Variants in EVPL observed in about 807,000 individuals in gnomAD.
EVPL encodes envoplakin, also known as 210 kDa cornified envelope precursor protein.
In EVPL, 94 loss-of-function variants were observed where a neutral mutation model predicts 129.7. That is an observed-to-expected ratio of 0.72 (90% confidence interval 0.61 to 0.86). EVPL has a LOEUF of 0.86. Among genes scored for constraint, EVPL ranks in the 40% least tolerant of loss-of-function variants. The probability of loss-of-function intolerance (pLI) is 0.00; values close to 1 mark genes in which losing one functional copy is unlikely to be tolerated. For synonymous variants in EVPL, 1,172 were observed against 1,191.1 expected, an observed-to-expected ratio of 0.98 and a Z score of 0.33; for missense variants, 2,625 against 2,721.1, an observed-to-expected ratio of 0.96 and a Z score of 0.79.
rs2066348661 is a variant in EVPL, at chr17:76,008,939, C to G, written c.4266G>C (p.Leu1422=). Residue 1422 remains leucine, a synonymous_variant, in exon 22 of 22, where the codon CTG becomes CTC. Coordinates refer to ENST00000301607, the MANE Select transcript of EVPL (RefSeq NM_001988.4). The surrounding 1 kb of genome is among the most constrained non-coding windows in gnomAD (Gnocchi z 7.4). ...LRAGVEEQEG[L]LSFQEDRSKK... ...TGCTGCGGTCCTCCTGGAAGCTGAG[C>G]AGGCCCTCCTGCTCCTCCACGCCGG... The G allele has an allele frequency of 6.2e-7, 1 of 1,612,382 alleles. No homozygotes were observed. The highest frequency in any genetic ancestry group is 1.3e-5 in the African/African-American group (1 of 74,938).
rs761662649 is a variant in EVPL, at chr17:76,014,953, C to T, written c.2185G>A (p.Asp729Asn). 1.3e-6 allele frequency: 2 copies of T among 1,593,486 alleles called. No homozygotes were observed. The highest frequency in any genetic ancestry group is 4.5e-5 in the East Asian group (2 of 44,500). ...TGGTCCCCTACGGCGTGGTAGCGGT[C>T]GGTGAGGGCTCGCACCTGGCGCTGC... is the stretch of plus-strand genomic sequence containing the variant. ...RQQRQVRALT[D>N]RYHAVGDQLD... is the part of the protein sequence containing the mutation. The change falls in exon 17 of 22, where the codon GAC becomes AAC. Residue 729 changes from aspartate to asparagine, a missense_variant. By Grantham distance (23) the Asp-to-Asn change is conservative. Around this residue, in one of 4 missense-constraint regions of EVPL, gnomAD observed 1,024 missense variants for 997.5 expected, o/e 1.03. Transcript: ENST00000301607.
At position 76,011,826 on chromosome 17, in the gene EVPL, C is replaced by T; in HGVS notation, c.2514G>A (p.Val838=). ...YRCSLEPTLA[V]SAPKRPRVAP... Reference sequence around the variant, plus strand: ...CCACTCGGGGTCTCTTGGGGGCTGACACTGCCAGGGTGGGCTCCAAAGAGC... The same window carrying T: ...CCACTCGGGGTCTCTTGGGGGCTGATACTGCCAGGGTGGGCTCCAAAGAGC... Residue 838 remains valine (V), a synonymous_variant, in exon 20 of 22, where the codon GTG becomes GTA. Transcript: ENST00000301607. 6.2e-7 allele frequency: 1 copy of T among 1,612,988 alleles called. No individual in the cohort carries two copies. The highest frequency in any genetic ancestry group is 8.5e-7 in the Non-Finnish European group (1 of 1,179,654).
chr17:76,023,517 A>G lies in EVPL; in HGVS notation c.336T>C (p.Ala112=), dbSNP rs774333492. The G allele has an allele frequency of 3.7e-6, 6 of 1,612,810 alleles. No homozygotes were observed. The African/African-American group carries it at 4.0e-5, about 11-fold the overall frequency. ...CCACTCACTCCTTCTCAATCTCCTCAGCCTGCGGGTGCTTGAGCCGCCGGG... is the reference window on the plus strand; with the variant it reads ...CCACTCACTCCTTCTCAATCTCCTCGGCCTGCGGGTGCTTGAGCCGCCGGG... ...DKARRLKHPQ[A]EEIEKDIKQL... Residue 112 remains alanine, a synonymous_variant, in exon 3 of 22, where the codon GCT becomes GCC. Transcript: ENST00000301607.
intron 2 of EVPL, 131 bp from the exon 3 acceptor site, chr17:76,023,785 C>A: frequency 7.1e-7 from 1 of 1,414,354 alleles, no homozygotes; most frequent in East Asian, 2.5e-5. Context: ...ACGCCAGGCA[C>A]AGGGTCAGGA....
intron 18 of EVPL, among the ~76,000 whole-genome samples, 153 bp downstream of exon 18, chr17:76,014,273 C>T (rs540921846): frequency 1.3e-5 from 2 of 152,298 alleles, no homozygotes; most frequent in Admixed American, 6.5e-5. Flanking sequence ...GGGCTGGCCC[C>T]GTCTGTGGGC....
At chr17:76,019,083 G>C in intron 10 of EVPL, 23 bp from the exon 11 acceptor site, 1 of 1,564,210 alleles carries the variant, frequency 6.4e-7, no homozygotes, top group Non-Finnish European at 8.6e-7. Context: ...CAGGCAGTGG[G>C]GGACTCAGGC....
Position 76,009,441 on chromosome 17 carries a change from T to G in EVPL, c.3764A>C (p.Gln1255Pro). 6.2e-7 allele frequency: 1 copy of G among 1,614,126 alleles called. No homozygotes were observed. The highest frequency in any genetic ancestry group is 8.5e-7 in the Non-Finnish European group (1 of 1,179,992). Residue 1255 changes from glutamine (Q) to proline (P), a missense_variant, in exon 22 of 22, where the codon CAG becomes CCG. Gln to Pro is a moderately conservative substitution (Grantham distance 76). This residue lies in a region of EVPL where 1,453 missense variants were observed against 1,511.8 expected (regional missense o/e 0.96). Coordinates refer to ENST00000301607, the MANE Select transcript of EVPL (RefSeq NM_001988.4). This position sits in a 1 kb window ranked among gnomAD's most constrained non-coding sequence, Gnocchi z 5.9. ...GCTCCTCTCATGCCTCACCACCTCC[T>G]GGGTCACCTCCTTGTACTCCACCGT... ...KPTVEYKEVT[Q>P]EVVRHERSPE...
chr17:76,024,075 G>T lies in EVPL; in HGVS notation c.144C>A (p.Ala48=). The change falls in exon 2 of 22, where the codon GCC becomes GCA. Residue 48 remains alanine (A), a synonymous_variant. Coordinates refer to ENST00000301607, the MANE Select transcript of EVPL (RefSeq NM_001988.4). The surrounding 1 kb of genome is among the most constrained non-coding windows in gnomAD (Gnocchi z 4.5). ...ELALLISRMQ[A]NADQVERDIL... is the part of the protein sequence containing the mutation. ...TGTCCCGCTCCACCTGGTCGGCGTT[G>T]GCTTGCATGCGGGAGATGAGAAGGG... 6.2e-7 allele frequency: 1 copy of T among 1,613,898 alleles called. No homozygotes were observed. Among genetic ancestry groups the T allele is most frequent in the Non-Finnish European group, 8.5e-7 (1 of 1,179,972 alleles).
At chr17:76,023,937 C>T in intron 2 of EVPL, 84 bp downstream of exon 2, 1 of 1,495,864 alleles carries the variant, frequency 6.7e-7, no homozygotes, top group South Asian at 1.2e-5. Context: ...CACCAAGGGG[C>T]ACTCAGGGAG....
chr17:76,014,954 G>A lies in EVPL; in HGVS notation c.2184C>T (p.Thr728=), dbSNP rs765185512. ...GGTCCCCTACGGCGTGGTAGCGGTC[G>A]GTGAGGGCTCGCACCTGGCGCTGCT... ...PRQQRQVRAL[T]DRYHAVGDQL... is the part of the protein sequence containing the mutation. Residue 728 remains threonine, a synonymous_variant, in exon 17 of 22, where the codon ACC becomes ACT. Transcript: ENST00000301607. 29 of 1,593,752 alleles carry A rather than the reference G, an allele frequency of 1.8e-5. No individual in the cohort carries two copies. Among genetic ancestry groups the A allele is most frequent in the Non-Finnish European group, 2.4e-5 (28 of 1,172,160 alleles).
At chr17:76,019,829 C>T (rs529890439) in intron 9 of EVPL, among the ~76,000 whole-genome samples, 176 bp from the exon 10 acceptor site, 102 of 150,812 alleles carry the variant, frequency 6.8e-4, no homozygotes, top group African/African-American at 2.3e-3. Flanking sequence ...AACCAGTAAC[C>T]GCTAAGCCAG....
chr17:76,008,978 C>T lies in EVPL; in HGVS notation c.4227G>A (p.Val1409=), dbSNP rs1318236651. 1 of 1,611,740 alleles carries T rather than the reference C, an allele frequency of 6.2e-7. No homozygotes were observed. The change falls in exon 22 of 22, where the codon GTG becomes GTA. Residue 1409 remains valine, a synonymous_variant. Coordinates refer to ENST00000301607, the MANE Select transcript of EVPL (RefSeq NM_001988.4). The surrounding 1 kb of genome is among the most constrained non-coding windows in gnomAD (Gnocchi z 7.4). ...CCTCCACGCCGGCCCGCAGCTGCTG[C>T]ACCTCAAGCTCTAGCTGGCGCCGCC... is the stretch of plus-strand genomic sequence containing the variant. ...VGRRRQLELE[V]QQLRAGVEEQ...
chr17:76,015,665 G>A, intron 14 of EVPL, 37 bp from the exon 15 acceptor site: 7 of 1,586,772 alleles, frequency 4.4e-6, no homozygotes, highest in Non-Finnish European at 5.2e-6. Flanking sequence ...CTGGGCAGGT[G>A]GGTTCCGCCC....
rs138147066 is a variant in EVPL, at chr17:76,009,818, C to G, written c.3387G>C (p.Ser1129=). ...RIEDLERAIS[S]VEPKVIVKEV... Reference sequence around the variant, plus strand: ...CCTTCACGATGACCTTGGGCTCCACCGAGCTGATAGCCCGCTCCAGGTCTT... The same window carrying G: ...CCTTCACGATGACCTTGGGCTCCACGGAGCTGATAGCCCGCTCCAGGTCTT... The change falls in exon 22 of 22, where the codon TCG becomes TCC. Residue 1129 remains serine, a synonymous_variant. Transcript: ENST00000301607. The surrounding 1 kb of genome is among the most constrained non-coding windows in gnomAD (Gnocchi z 5.9). 1 of 1,613,974 alleles carries G rather than the reference C, an allele frequency of 6.2e-7. No individual in the cohort carries two copies. The highest frequency in any genetic ancestry group is 8.5e-7 in the Non-Finnish European group (1 of 1,180,012).
chr17:76,010,637 A>C, intron 21 of EVPL, 94 bp from the exon 22 acceptor site: 1 of 1,364,660 alleles, frequency 7.3e-7, no homozygotes, highest in Non-Finnish European at 9.7e-7. Flanking sequence ...CTGTTTCCTG[A>C]GACTCCCCAG....
chr17:76,014,967 A>G lies in EVPL; in HGVS notation c.2171T>C (p.Val724Ala). Residue 724 changes from valine (V) to alanine (A), a missense_variant, in exon 17 of 22, where the codon GTG (valine) becomes GCG (alanine). Physicochemically the swap from Val to Ala is moderately conservative, Grantham distance 64. Transcript: ENST00000301607. Reference sequence around the variant, plus strand: ...GTGGTAGCGGTCGGTGAGGGCTCGCACCTGGCGCTGCTGGCGAGGCAGGTC... The same window carrying G: ...GTGGTAGCGGTCGGTGAGGGCTCGCGCCTGGCGCTGCTGGCGAGGCAGGTC... Reference protein sequence around the residue: ...CQDLPRQQRQVRALTDRYHAV... With the variant: ...CQDLPRQQRQARALTDRYHAV... 1 of 1,597,226 alleles carries G rather than the reference A, an allele frequency of 6.3e-7. No homozygotes were observed. The highest frequency in any genetic ancestry group is 8.5e-7 in the Non-Finnish European group (1 of 1,175,502).
At chr17:76,019,133 C>G in intron 10 of EVPL, 73 bp from the exon 11 acceptor site, 1 of 1,429,918 alleles carries the variant, frequency 7.0e-7, no homozygotes, top group South Asian at 1.4e-5. Flanking sequence ...ACCTGTCCTT[C>G]AAAAGGCCTA....
rs768232957 is a variant in EVPL at position 76,015,008 on chromosome 17, G to A, written c.2130C>T (p.Phe710=). ...GAGGCAGGTCTTGGCAGAACTCCTG[G>A]AAGTTGTTCTGCAGGGCAGCGCATG... ...EHACAALQNN[F]QEFCQDLPRQ... is the part of the protein sequence containing the mutation. Residue 710 remains phenylalanine (F), a synonymous_variant, in exon 17 of 22, where the codon TTC becomes TTT. Coordinates refer to ENST00000301607, the MANE Select transcript of EVPL (RefSeq NM_001988.4). 4 of 1,596,596 alleles carry A rather than the reference G, an allele frequency of 2.5e-6. No individual in the cohort carries two copies. In the South Asian group the frequency reaches 4.4e-5, roughly 18 times the overall value.
intron 21 of EVPL, 34 bp downstream of exon 21, chr17:76,011,542 T>C: frequency 6.4e-7 from 1 of 1,573,836 alleles, no homozygotes; most frequent in Non-Finnish European, 8.7e-7. Context: ...TATTCCTGGC[T>C]ATTGTGGGAA....
Sources: allele counts gnomAD v4.1 joint callset (sites outside exome capture counted in the v4.1 genomes callset), GRCh38; gene constraint gnomAD v4.1.1; regional missense constraint gnomAD v4.1.1; non-coding constraint Gnocchi (gnomAD v3.1); transcripts MANE v1.5; gene names NCBI Gene and HGNC (gene_info 2026-07-23, HGNC 2026-07-21).